GNA12: variants seen among roughly 807,000 people sequenced by gnomAD.
GNA12 encodes guanine nucleotide-binding protein subunit alpha-12.
GNA12 carries 9 observed loss-of-function variants against 26.0 expected under a neutral mutation model. The ratio of observed to expected loss-of-function variants is 0.35; its 90% CI spans 0.21 to 0.60. GNA12 has a LOEUF of 0.60. Ranked by LOEUF, GNA12 falls within the 20% of genes least tolerant of loss-of-function variation. The pLI, the probability that GNA12 is intolerant of heterozygous loss-of-function variation, is 0.78. For synonymous variants in GNA12, 264 were observed against 219.6 expected (o/e 1.20, Z -1.79); for missense variants, 405 against 525.8 (o/e 0.77, Z 2.25).
At chr7:2,796,873 C>T (rs1487974686) in intron 1 of GNA12, among the ~76,000 whole-genome samples, 1 of 152,162 alleles carries the variant, frequency 6.6e-6, no homozygotes, top group Non-Finnish European at 1.5e-5. Flanking sequence ...GAGGTCTGTT[C>T]CACCATCCTT....
chr7:2,805,909 C>A (rs1012574257), intron 1 of GNA12, among the ~76,000 whole-genome samples: 1 of 152,080 alleles, frequency 6.6e-6, no homozygotes, highest in Non-Finnish European at 1.5e-5. Flanking sequence ...AGTGGACGTG[C>A]GGCCCAGCTG....
At chr7:2,793,569 G>T (rs1792574725) in intron 2 of GNA12, among the ~76,000 whole-genome samples, 1 of 152,036 alleles carries the variant, frequency 6.6e-6, no homozygotes, top group Non-Finnish European at 1.5e-5. Context: ...AAATTACTCT[G>T]CAGGAAAAGG....
intron 2 of GNA12, among the ~76,000 whole-genome samples, chr7:2,742,285 G>A (rs574883363): frequency 6.6e-6 from 1 of 152,180 alleles, no homozygotes; most frequent in East Asian, 1.9e-4. Flanking sequence ...CAAAGTGCTG[G>A]GATTACAGGT....
chr7:2,793,334 GAGAGGAAGCAGCGGACAGGAGCGCA>G (rs1792568402), intron 2 of GNA12, among the ~76,000 whole-genome samples: 2 of 151,332 alleles, frequency 1.3e-5, no homozygotes, highest in Admixed American at 6.6e-5. Context: ...GACAGGACGC[GAGAGGAAGCAGCGGACAGGAGCGCA>G]AGAGGAAAGG....
chr7:2,795,355 G>A (rs1294831020), intron 1 of GNA12, among the ~76,000 whole-genome samples: 3 of 152,124 alleles, frequency 2.0e-5, no homozygotes, highest in Non-Finnish European at 4.4e-5. Context: ...GCACATGGCC[G>A]AGAGCAGTGG....
chr7:2,782,554 G>C (rs1792256192), intron 2 of GNA12, among the ~76,000 whole-genome samples: 2 of 152,106 alleles, frequency 1.3e-5, no homozygotes, highest in Non-Finnish European at 2.9e-5. Flanking sequence ...CTGTCAAACT[G>C]TCACTCCTTG....
intron 1 of GNA12, among the ~76,000 whole-genome samples, chr7:2,827,257 A>T (rs1437439041): frequency 6.6e-6 from 1 of 152,166 alleles, no homozygotes; most frequent in African/African-American, 2.4e-5. Flanking sequence ...AGTCACTACT[A>T]ACGTGTCCAG....
At chr7:2,780,873 G>C (rs1185335772) in intron 2 of GNA12, among the ~76,000 whole-genome samples, 1 of 152,076 alleles carries the variant, frequency 6.6e-6, no homozygotes, top group African/African-American at 2.4e-5. Context: ...ACCTAGGATT[G>C]GGATTACTGA....
chr7:2,806,201 G>A (rs1044094511), intron 1 of GNA12, among the ~76,000 whole-genome samples: 11 of 152,094 alleles, frequency 7.2e-5, no homozygotes, highest in Non-Finnish European at 1.2e-4. Flanking sequence ...TGTCTTGGTC[G>A]GGGGCGGTGG....
chr7:2,813,766 T>C (rs1793142822), intron 1 of GNA12, among the ~76,000 whole-genome samples: 1 of 152,170 alleles, frequency 6.6e-6, no homozygotes, highest in African/African-American at 2.4e-5. Context: ...AAAGACCCCT[T>C]GTCCAGAAGG....
chr7:2,764,058 T>C (rs944845326), intron 2 of GNA12, among the ~76,000 whole-genome samples: 3 of 151,942 alleles, frequency 2.0e-5, no homozygotes, highest in South Asian at 2.1e-4. Flanking sequence ...TGTCCTCTGA[T>C]TGGTTGAGTA....
rs3831678 is a variant in GNA12 at position 2,812,636 on chromosome 7, A to AACATCACATCACATCACATCACATC, written c.310-17518_310-17494dup. 2.1e-3 allele frequency among the ~76,000 whole-genome samples: 286 copies of AACATCACATCACATCACATCACATC among 134,194 alleles called. 19 individuals carry two copies. Among genetic ancestry groups the AACATCACATCACATCACATCACATC allele is most frequent in the Middle Eastern group, 0.019 (5 of 260 alleles). The allele number at this position is 134,194 out of a possible 152,430, so 88.0% of individuals were successfully genotyped here. ...AAGAGTGAAACTCCATCTCAAAAAT[A>AACATCACATCACATCACATCACATC]ACATCACATCACATCACATCACATC... On this transcript the variant is annotated intron_variant, in intron 1 of 3. Coordinates refer to ENST00000275364, the MANE Select transcript of GNA12 (RefSeq NM_007353.3).
At chr7:2,818,673 G>A (rs1052172349) in intron 1 of GNA12, among the ~76,000 whole-genome samples, 2 of 150,686 alleles carry the variant, frequency 1.3e-5, no homozygotes, top group African/African-American at 2.4e-5. Flanking sequence ...TGAGGCATGA[G>A]AATTGCCTGA....
chr7:2,771,974 G>C (rs1349513213), intron 2 of GNA12, among the ~76,000 whole-genome samples: 1 of 152,192 alleles, frequency 6.6e-6, no homozygotes, highest in African/African-American at 2.4e-5. Flanking sequence ...CCTCCTAGGA[G>C]AGCATGTGGT....
chr7:2,815,702 CT>C (rs2115488965), intron 1 of GNA12, among the ~76,000 whole-genome samples: 1 of 152,326 alleles, frequency 6.6e-6, no homozygotes, highest in Non-Finnish European at 1.5e-5. Context: ...GTGGTGCTCC[CT>C]GGAGCCTGGT....
At chr7:2,750,831 A>C (rs1790998155) in intron 2 of GNA12, among the ~76,000 whole-genome samples, 1 of 152,192 alleles carries the variant, frequency 6.6e-6, no homozygotes, top group South Asian at 2.1e-4. Context: ...CCAGATTCGG[A>C]TATGGCGAAA....
At chr7:2,756,457 T>A (rs924740944) in intron 2 of GNA12, among the ~76,000 whole-genome samples, 1 of 151,724 alleles carries the variant, frequency 6.6e-6, no homozygotes, top group Non-Finnish European at 1.5e-5. Context: ...TGCAAAAAAT[T>A]TTTAAAAATT....
intron 1 of GNA12, chr7:2,814,966 C>A (rs773112940): frequency 6.4e-7 from 1 of 1,561,762 alleles, no homozygotes; most frequent in Non-Finnish European, 8.7e-7. Flanking sequence ...GCTCTGCACT[C>A]GGCATGGCTG....
chr7:2,789,130 A>ATATTTTTT (rs1583283001), intron 2 of GNA12, among the ~76,000 whole-genome samples: 1 of 74,180 alleles, frequency 1.3e-5, no homozygotes, highest in Non-Finnish European at 2.9e-5. Context: ...CCCTTCAGGC[A>ATATTTTTT]TCTTTTTTTT....
Sources: gnomAD v4.1 joint callset for allele counts (sites outside exome capture counted in the v4.1 genomes callset) on GRCh38, gnomAD v4.1.1 for gene constraint, MANE v1.5 for transcripts, NCBI Gene and HGNC (gene_info 2026-07-23, HGNC 2026-07-21) for gene names.